Variants in ARHGAP22 observed in about 807,000 individuals in gnomAD.
The protein encoded by ARHGAP22 is Rho GTPase activating protein 22.
A neutral mutation model predicts 59.1 loss-of-function variants in ARHGAP22; 48 were observed. The observed-to-expected ratio is 0.81, with a 90% confidence interval of 0.64 to 1.03. The LOEUF (loss-of-function observed/expected upper bound fraction) is 1.03. ARHGAP22 is among the 50% of genes least tolerant of loss of function. The pLI is 0.00. For synonymous variants in ARHGAP22, 445 were observed against 416.4 expected, an observed-to-expected ratio of 1.07 and a Z score of -0.84; for missense variants, 1,015 against 958.7, an observed-to-expected ratio of 1.06 and a Z score of -0.78.
At chr10:48,479,806 C>A in intron 3 of ARHGAP22, 42 bp from the exon 4 acceptor site, 1 of 1,510,064 alleles carries the variant, frequency 6.6e-7, no homozygotes. Flanking sequence ...GGTCCCTGCC[C>A]GCAGCACACT....
upstream of ARHGAP22, chr10:48,605,181 C>T (rs770590886): frequency 6.3e-6 from 7 of 1,114,840 alleles, no homozygotes; most frequent in Non-Finnish European, 7.7e-6. Context: ...GCCAGAGACG[C>T]GGGGCGCGGT....
At chr10:48,534,652 C>G (rs1376074757) in intron 3 of ARHGAP22, among the ~76,000 whole-genome samples, 1 of 152,214 alleles carries the variant, frequency 6.6e-6, no homozygotes, top group African/African-American at 2.4e-5. Flanking sequence ...TAAATTAACT[C>G]ATTAATCCCT....
intron 1 of ARHGAP22, among the ~76,000 whole-genome samples, chr10:48,647,595 G>T (rs2062362904): frequency 6.6e-6 from 1 of 152,064 alleles, no homozygotes; most frequent in African/African-American, 2.4e-5. Flanking sequence ...GTATGAGGTG[G>T]GATTGTATGA....
chr10:48,534,745 T>G (rs1407607789), intron 3 of ARHGAP22, among the ~76,000 whole-genome samples: 1 of 152,222 alleles, frequency 6.6e-6, no homozygotes, highest in Non-Finnish European at 1.5e-5. Flanking sequence ...GGGTTCCAAA[T>G]AGTAAGCGGA....
chr10:48,495,337 G>A (rs146976499), intron 3 of ARHGAP22, among the ~76,000 whole-genome samples: 32 of 152,276 alleles, frequency 2.1e-4, no homozygotes, highest in Admixed American at 7.2e-4. Flanking sequence ...GTTTTATCTC[G>A]ATGTCCTCAC....
In ARHGAP22 at chr10:48,450,795, C is replaced by T. The variant is rs751770148; in HGVS notation, c.1334G>A (p.Gly445Asp). 19 of 1,571,986 alleles carry T rather than the reference C, an allele frequency of 1.2e-5. No individual in the cohort carries two copies. The highest frequency in any genetic ancestry group is 1.7e-4 in the Middle Eastern group (1 of 5,988). Residue 445 changes from glycine to aspartate, a missense_variant, in exon 9 of 10, where the codon GGC (glycine) becomes GAC (aspartate). Physicochemically the swap from Gly to Asp is moderately conservative, Grantham distance 94. Coordinates refer to ENST00000249601, the MANE Select transcript of ARHGAP22 (RefSeq NM_021226.4). ...PRSLSGSPKGGGSSLEVPIIS... is the reference protein window; with the variant it reads ...PRSLSGSPKGDGSSLEVPIIS... ...GATGGGCACCTCCAGGGATGAGCCG[C>T]CCCCCTTCGGGCTTCCCGATAGGGA...
In ARHGAP22 at chr10:48,538,259, G is replaced by C. The variant is rs779086268; in HGVS notation, c.322+17204C>G. Reference sequence around the variant, plus strand: ...GTCTTCACATGACCTTCCTCCCTCTGTGTCTCTGTGCATCCTGTCTGTCCT... The same window carrying C: ...GTCTTCACATGACCTTCCTCCCTCTCTGTCTCTGTGCATCCTGTCTGTCCT... On this transcript the variant is annotated intron_variant, in intron 3 of 9. Transcript: ENST00000249601. 1.7e-4 allele frequency among the ~76,000 whole-genome samples: 26 copies of C among 152,092 alleles called. 1 individual carries two copies. The highest frequency in any genetic ancestry group is 7.9e-4 in the Admixed American group (12 of 15,274).
chr10:48,449,451 AG>A (rs921302599), intron 9 of ARHGAP22, among the ~76,000 whole-genome samples: 13 of 152,362 alleles, frequency 8.5e-5, no homozygotes, highest in African/African-American at 3.1e-4. Flanking sequence ...TCCAGCTCCC[AG>A]TGGAAATCAC....
chr10:48,601,162 G>A (rs896303818), intron 1 of ARHGAP22, among the ~76,000 whole-genome samples: 1 of 152,182 alleles, frequency 6.6e-6, no homozygotes, highest in Non-Finnish European at 1.5e-5. Flanking sequence ...ACAAACCTGG[G>A]CAGGGGCATC....
chr10:48,520,484 C>A (rs1377885908), intron 3 of ARHGAP22, among the ~76,000 whole-genome samples: 1 of 152,114 alleles, frequency 6.6e-6, no homozygotes, highest in East Asian at 1.9e-4. Context: ...CAGAGCCTGA[C>A]AGGGGGGCCA....
At chr10:48,610,870 G>A (rs1475870367) in intron 1 of ARHGAP22, among the ~76,000 whole-genome samples, 2 of 152,226 alleles carry the variant, frequency 1.3e-5, no homozygotes, top group East Asian at 3.8e-4. Context: ...CCCTAAAAGA[G>A]CTAACAGCTA....
At chr10:48,600,033 G>T (rs142552455) in intron 1 of ARHGAP22, among the ~76,000 whole-genome samples, 82 of 152,254 alleles carry the variant, frequency 5.4e-4, no homozygotes, top group African/African-American at 1.9e-3. Flanking sequence ...AGCTGCTTCT[G>T]CTCTTATTAG....
At chr10:48,514,006 T>C (rs1042339635) in intron 3 of ARHGAP22, among the ~76,000 whole-genome samples, 2 of 151,882 alleles carry the variant, frequency 1.3e-5, no homozygotes, top group African/African-American at 4.8e-5. Flanking sequence ...GTACAATAAC[T>C]GAAATACATA....
At chr10:48,625,360 C>A (rs1042704025) in intron 1 of ARHGAP22, among the ~76,000 whole-genome samples, 1 of 151,968 alleles carries the variant, frequency 6.6e-6, no homozygotes, top group African/African-American at 2.4e-5. Context: ...TGATCGTGAC[C>A]CCCTTGTCTA....
intron 2 of ARHGAP22, among the ~76,000 whole-genome samples, chr10:48,559,894 T>C (rs6537568): frequency 0.72 from 109,060 of 152,106 alleles, 40,152 homozygotes; most frequent in East Asian, 0.91. Context: ...CAGATTTACA[T>C]TGCAAGTTTT....
chr10:48,446,865 G>C (rs1225829178), intron 9 of ARHGAP22, among the ~76,000 whole-genome samples: 1 of 152,166 alleles, frequency 6.6e-6, no homozygotes, highest in African/African-American at 2.4e-5. Context: ...AATGATCCAT[G>C]CCTTCGGTGC....
intron 4 of ARHGAP22, among the ~76,000 whole-genome samples, chr10:48,471,104 TC>T (rs2048187044): frequency 6.6e-6 from 1 of 152,180 alleles, no homozygotes; most frequent in Non-Finnish European, 1.5e-5. Context: ...GCTGTATTTC[TC>T]CCTTCTTTTT....
chr10:48,582,811 A>C, intron 2 of ARHGAP22, 142 bp downstream of exon 2: 1 of 951,614 alleles, frequency 1.1e-6, no homozygotes, highest in South Asian at 1.7e-5. Flanking sequence ...GATAAGAATG[A>C]AAATTACTTT....
At chr10:48,504,831 G>A (rs1358053911) in intron 3 of ARHGAP22, among the ~76,000 whole-genome samples, 1 of 152,088 alleles carries the variant, frequency 6.6e-6, no homozygotes, top group Non-Finnish European at 1.5e-5. Context: ...ATCTGGATCT[G>A]AGACTCAGCA....
Sources: gnomAD v4.1 joint callset for allele counts (sites outside exome capture counted in the v4.1 genomes callset) on GRCh38, gnomAD v4.1.1 for gene constraint, MANE v1.5 for transcripts, NCBI Gene and HGNC (gene_info 2026-07-23, HGNC 2026-07-21) for gene names.